The following CNTN5 variants were observed in gnomAD, a reference collection of about 807,000 sequenced individuals.
CNTN5 encodes the protein contactin 5.
A neutral mutation model predicts 129.1 loss-of-function variants in CNTN5; 77 were observed. The observed-to-expected ratio is 0.60, with a 90% confidence interval of 0.50 to 0.72. The LOEUF (loss-of-function observed/expected upper bound fraction) is 0.72. Ranked by LOEUF, CNTN5 falls within the 30% of genes least tolerant of loss-of-function variation. CNTN5 has a pLI of 0.00. For missense variants in CNTN5, 1,478 were observed against 1,328.8 expected (o/e 1.11, Z -1.75); for synonymous variants, 509 against 465.6 (o/e 1.09, Z -1.20).
At chr11:99,812,528 A>G (rs1728796745) in intron 3 of CNTN5, among the ~76,000 whole-genome samples, 1 of 152,124 alleles carries the variant, frequency 6.6e-6, no homozygotes. Flanking sequence ...TTTTCTGTAT[A>G]TTACTTTATT....
chr11:99,744,634 T>A (rs1943993541), intron 3 of CNTN5, among the ~76,000 whole-genome samples: 1 of 134,256 alleles, frequency 7.4e-6, no homozygotes, highest in Admixed American at 7.9e-5. Context: ...ATGGGAGGAT[T>A]GGTTGAGCCC....
intron 3 of CNTN5, among the ~76,000 whole-genome samples, chr11:99,804,617 A>G (rs945592247): frequency 6.6e-6 from 1 of 151,344 alleles, no homozygotes; most frequent in Non-Finnish European, 1.5e-5. Flanking sequence ...TAATTCTTAC[A>G]TCTTTGCAAA....
chr11:99,520,022 T>C (rs1332085855), intron 2 of CNTN5, among the ~76,000 whole-genome samples: 1 of 152,118 alleles, frequency 6.6e-6, no homozygotes, highest in Non-Finnish European at 1.5e-5. Context: ...CCTTTTGTGC[T>C]AGTTCACTGA....
chr11:100,228,481 C>A (rs2138640280), intron 16 of CNTN5, among the ~76,000 whole-genome samples: 1 of 152,326 alleles, frequency 6.6e-6, no homozygotes, highest in African/African-American at 2.4e-5. Flanking sequence ...TCTGTCCAAT[C>A]AATTCAGTTC....
At chr11:99,691,322 T>G (rs912399675) in intron 3 of CNTN5, among the ~76,000 whole-genome samples, 12 of 152,108 alleles carry the variant, frequency 7.9e-5, no homozygotes, top group African/African-American at 2.9e-4. Flanking sequence ...GTTCTCTAGT[T>G]TGTTTAGTTG....
At chr11:99,564,831 T>C (rs866058724) in intron 3 of CNTN5, among the ~76,000 whole-genome samples, 1 of 152,178 alleles carries the variant, frequency 6.6e-6, no homozygotes, top group South Asian at 2.1e-4. Flanking sequence ...TAAGCAGCTT[T>C]CCTGATGGTT....
intron 4 of CNTN5, 165 bp from the exon 5 acceptor site, chr11:99,844,687 T>A (rs2135695005): frequency 1.6e-6 from 1 of 630,318 alleles, no homozygotes. Flanking sequence ...CTTTACAATT[T>A]AATAAAACAA....
intron 1 of CNTN5, among the ~76,000 whole-genome samples, chr11:99,138,018 A>C (rs978247545): frequency 6.6e-6 from 1 of 152,210 alleles, no homozygotes; most frequent in Non-Finnish European, 1.5e-5. Context: ...AATACATTAG[A>C]GTTAACAATT....
chr11:99,701,686 C>T (rs1954526609), intron 3 of CNTN5, among the ~76,000 whole-genome samples: 1 of 150,860 alleles, frequency 6.6e-6, no homozygotes, highest in Non-Finnish European at 1.5e-5. Flanking sequence ...GTTTAATTTT[C>T]ATTTTTATTT....
At chr11:99,692,676 T>C (rs116289862) in intron 3 of CNTN5, among the ~76,000 whole-genome samples, 2,327 of 152,198 alleles carry the variant, frequency 0.015, 56 homozygotes, top group African/African-American at 0.052. Flanking sequence ...ATTTTTTCTT[T>C]TATTCCATCA....
chr11:99,033,427 G>A (rs999063739), intron 1 of CNTN5, among the ~76,000 whole-genome samples: 2 of 152,010 alleles, frequency 1.3e-5, no homozygotes. Context: ...ATTTGTTTGT[G>A]TCCTCTTTTA....
intron 2 of CNTN5, among the ~76,000 whole-genome samples, chr11:99,326,864 T>G (rs1865807030): frequency 1.3e-5 from 2 of 152,206 alleles, no homozygotes; most frequent in African/African-American, 4.8e-5. Flanking sequence ...TTAGACAGAT[T>G]GTAAGCCAAA....
intron 6 of CNTN5, among the ~76,000 whole-genome samples, chr11:99,870,904 A>G (rs1471307049): frequency 6.6e-6 from 1 of 152,110 alleles, no homozygotes; most frequent in Non-Finnish European, 1.5e-5. Context: ...ATACATTGAA[A>G]GCGAATATAT....
chr11:99,264,376 T>C (rs1565447869), intron 1 of CNTN5, among the ~76,000 whole-genome samples: 1 of 152,060 alleles, frequency 6.6e-6, no homozygotes, highest in Non-Finnish European at 1.5e-5. Context: ...AATTTTAGGA[T>C]AAAAACATCT....
intron 21 of CNTN5, among the ~76,000 whole-genome samples, chr11:100,315,789 T>C (rs1237524974): frequency 6.6e-6 from 1 of 152,216 alleles, no homozygotes; most frequent in Non-Finnish European, 1.5e-5. Flanking sequence ...GAACCACCCA[T>C]TTGTAAATTT....
intron 1 of CNTN5, among the ~76,000 whole-genome samples, chr11:99,090,734 A>C (rs1160300992): frequency 4.6e-5 from 7 of 151,262 alleles, no homozygotes; most frequent in Non-Finnish European, 7.4e-5. Context: ...AAAAAAAAAA[A>C]AAAAACGGCC....
At chr11:100,272,449 CA>C (rs1950424179) in intron 18 of CNTN5, among the ~76,000 whole-genome samples, 2 of 151,734 alleles carry the variant, frequency 1.3e-5, no homozygotes, top group South Asian at 4.2e-4. Context: ...ACTCTCAAAA[CA>C]GTTGACTTTT....
At chr11:99,924,524 A>ATT (rs57836490) in intron 7 of CNTN5, among the ~76,000 whole-genome samples, 23 of 151,312 alleles carry the variant, frequency 1.5e-4, no homozygotes, top group African/African-American at 1.9e-4. Flanking sequence ...TATTTTTGTC[A>ATT]TTTTTTTTGA....
At chr11:99,853,276 C>G (rs540365246) in intron 6 of CNTN5, among the ~76,000 whole-genome samples, 38 of 151,608 alleles carry the variant, frequency 2.5e-4, no homozygotes, top group African/African-American at 9.2e-4. Context: ...TCATGTGTAA[C>G]GAATAGATAG....
Sources: gnomAD v4.1 joint callset for allele counts (sites outside exome capture counted in the v4.1 genomes callset) on GRCh38, gnomAD v4.1.1 for gene constraint, MANE v1.5 for transcripts, NCBI Gene and HGNC (gene_info 2026-07-23, HGNC 2026-07-21) for gene names.